The following RUFY3 variants were observed in gnomAD, a reference collection of about 807,000 sequenced individuals.
RUFY3 encodes the protein protein RUFY3.
A neutral mutation model predicts 84.0 loss-of-function variants in RUFY3; 34 were observed. The ratio of observed to expected loss-of-function variants is 0.40; its 90% CI spans 0.31 to 0.54. RUFY3 has a LOEUF of 0.54. Ranked by LOEUF, RUFY3 falls within the 20% of genes least tolerant of loss-of-function variation. The pLI, the probability that RUFY3 is intolerant of heterozygous loss-of-function variation, is 0.39. For synonymous variants in RUFY3, 242 were observed against 252.9 expected (o/e 0.96, Z 0.41); for missense variants, 507 against 736.8 (o/e 0.69, Z 3.61).
chr4:70,784,475 T>G (rs1729460760), intron 9 of RUFY3, among the ~76,000 whole-genome samples: 1 of 151,110 alleles, frequency 6.6e-6, no homozygotes, highest in South Asian at 2.1e-4. Flanking sequence ...AGAGTGAGAC[T>G]CCGTCTCAAA....
At chr4:70,704,849 A>C in exon 1 of RUFY3, 2 of 857,878 alleles carry the variant, frequency 2.3e-6, no homozygotes, top group Non-Finnish European at 1.5e-6. Context: ...AGCGGACGGG[A>C]CGGGGCGGCG....
At chr4:70,802,815 A>T (rs1411207136) in intron 15 of RUFY3, 141 bp from the exon 16 acceptor site, 3 of 531,330 alleles carry the variant, frequency 5.6e-6, no homozygotes, top group Non-Finnish European at 9.9e-6. Context: ...ATTAATAATT[A>T]TGTTGTTCTA....
chr4:70,761,996 A>G (rs1364715974), intron 1 of RUFY3, among the ~76,000 whole-genome samples: 4 of 152,148 alleles, frequency 2.6e-5, no homozygotes, highest in African/African-American at 4.8e-5. Flanking sequence ...GGTTAGGGTG[A>G]TAGCAGAGGT....
intron 1 of RUFY3, among the ~76,000 whole-genome samples, chr4:70,710,585 A>G (rs1316624534): frequency 6.6e-6 from 1 of 152,156 alleles, no homozygotes; most frequent in Non-Finnish European, 1.5e-5. Context: ...CAGGAGAATC[A>G]CTTGAACCCG....
At chr4:70,746,853 A>G (rs1722315259) in intron 1 of RUFY3, among the ~76,000 whole-genome samples, 1 of 152,238 alleles carries the variant, frequency 6.6e-6, no homozygotes, top group Admixed American at 6.5e-5. Context: ...ATGAAAGTAT[A>G]GAAATGAAGA....
In RUFY3 at chr4:70,789,572, C is replaced by T. The variant is rs1025386116; in HGVS notation, c.1317C>T (p.Thr439=). Residue 439 remains threonine, a synonymous_variant, in exon 12 of 18, where the codon ACC becomes ACT. Transcript: ENST00000381006. ...LEEKTNQMAA[T]IKQLEQRLRQ... The stretch of plus-strand genomic sequence containing the variant: ...AGAAGACTAATCAGATGGCTGCTAC[C>T]ATTAAACAACTTGAACAAAGGTAAA... 6.2e-7 allele frequency: 1 copy of T among 1,612,236 alleles called. No individual in the cohort carries two copies. Among genetic ancestry groups the T allele is most frequent in the African/African-American group, 1.3e-5 (1 of 74,830 alleles).
chr4:70,745,764 C>T (rs1722097105), intron 1 of RUFY3, among the ~76,000 whole-genome samples: 1 of 152,130 alleles, frequency 6.6e-6, no homozygotes, highest in Non-Finnish European at 1.5e-5. Flanking sequence ...GCCACATCGT[C>T]ATTCAATAAG....
intron 8 of RUFY3, among the ~76,000 whole-genome samples, chr4:70,778,664 C>T (rs895887708): frequency 6.7e-6 from 1 of 148,606 alleles, no homozygotes; most frequent in African/African-American, 2.5e-5. Context: ...ACCGCAACCT[C>T]CGTCTCCCAA....
intron 1 of RUFY3, among the ~76,000 whole-genome samples, chr4:70,757,714 C>T (rs916452635): frequency 2.6e-5 from 4 of 151,706 alleles, no homozygotes; most frequent in African/African-American, 7.3e-5. Flanking sequence ...TGTACACTGC[C>T]CTATTTGTTC....
chr4:70,790,621 A>G (rs1401654903), intron 12 of RUFY3, among the ~76,000 whole-genome samples: 1 of 152,164 alleles, frequency 6.6e-6, no homozygotes, highest in Non-Finnish European at 1.5e-5. Flanking sequence ...ACTCATATCT[A>G]TCTATACTGC....
chr4:70,793,930 C>T (rs998005304), intron 13 of RUFY3, 26 bp downstream of exon 13: 33 of 1,611,616 alleles, frequency 2.0e-5, no homozygotes, highest in Non-Finnish European at 2.8e-5. Flanking sequence ...CTTGAGCTGA[C>T]AGGGTGGTCA....
At chr4:70,771,390 A>C (rs1354651843) in intron 5 of RUFY3, among the ~76,000 whole-genome samples, 1 of 152,164 alleles carries the variant, frequency 6.6e-6, no homozygotes, top group African/African-American at 2.4e-5. Flanking sequence ...TGGTAGAAAC[A>C]TCCCACATAG....
At chr4:70,789,410 A>G (rs1218848326) in intron 11 of RUFY3, 85 bp from the exon 12 acceptor site, 1 of 1,256,104 alleles carries the variant, frequency 8.0e-7, no homozygotes, top group Non-Finnish European at 1.1e-6. Context: ...CTGTTTTCCC[A>G]CTTACCATTA....
At chr4:70,727,856 C>T (rs1431419302) in intron 1 of RUFY3, among the ~76,000 whole-genome samples, 1 of 151,490 alleles carries the variant, frequency 6.6e-6, no homozygotes, top group Admixed American at 6.6e-5. Context: ...TGTCCACATA[C>T]GTGAAGGGCA....
chr4:70,804,761 C>CAAAAAAAAAAAA (rs1186156048), intron 17 of RUFY3, among the ~76,000 whole-genome samples: 2 of 76,842 alleles, frequency 2.6e-5, no homozygotes, highest in African/African-American at 4.5e-5. Flanking sequence ...ACTAAAAATA[C>CAAAAAAAAAAAA]AAAAAAAAAA....
intron 4 of RUFY3, among the ~76,000 whole-genome samples, chr4:70,765,260 G>T (rs1331726335): frequency 6.8e-6 from 1 of 147,874 alleles, no homozygotes; most frequent in African/African-American, 2.5e-5. Flanking sequence ...GTAGATCATA[G>T]ATACAACTGG....
intron 1 of RUFY3, among the ~76,000 whole-genome samples, chr4:70,741,231 A>G (rs1176070776): frequency 6.6e-6 from 1 of 152,112 alleles, no homozygotes; most frequent in Non-Finnish European, 1.5e-5. Context: ...AAAGAAATAT[A>G]TCGCACATAC....
At chr4:70,774,168 C>G (rs1267845287) in intron 6 of RUFY3, among the ~76,000 whole-genome samples, 1 of 152,122 alleles carries the variant, frequency 6.6e-6, no homozygotes. Flanking sequence ...CTAAGATTAT[C>G]TCACTGTTCT....
At chr4:70,778,573 C>CTTTT (rs377520137) in intron 8 of RUFY3, 135 bp downstream of exon 8, 168 of 151,808 alleles carry the variant, frequency 1.1e-3, no homozygotes, top group African/African-American at 2.3e-3. Context: ...ACTTCTTATT[C>CTTTT]TTTTTTTTTT....
Sources: allele counts gnomAD v4.1 joint callset (sites outside exome capture counted in the v4.1 genomes callset), GRCh38; gene constraint gnomAD v4.1.1; transcripts MANE v1.5; gene names NCBI Gene and HGNC (gene_info 2026-07-23, HGNC 2026-07-21).